The following IKZF1 variants were observed in gnomAD, a reference collection of about 807,000 sequenced individuals.
The protein encoded by IKZF1 is DNA-binding protein Ikaros.
IKZF1 carries 10 observed loss-of-function variants against 51.7 expected under a neutral mutation model. The observed-to-expected ratio is 0.19, with a 90% CI of 0.12 to 0.33. The LOEUF (loss-of-function observed/expected upper bound fraction) is 0.33. IKZF1 is among the 10% of genes least tolerant of loss of function. The pLI, the probability that IKZF1 is intolerant of heterozygous loss-of-function variation, is 1.00. For missense variants in IKZF1, 484 were observed against 707.5 expected (o/e 0.68, Z 3.58); for synonymous variants, 280 against 282.3 (o/e 0.99, Z 0.08).
chr7:50,386,293 C>T (rs567002758), intron 5 of IKZF1, among the ~76,000 whole-genome samples: 2 of 152,264 alleles, frequency 1.3e-5, no homozygotes, highest in African/African-American at 4.8e-5. Flanking sequence ...ACTGCACTGC[C>T]CAATACAGCA....
chr7:50,377,147 A>C, intron 4 of IKZF1: 1 of 214,020 alleles, frequency 4.7e-6, no homozygotes, highest in Non-Finnish European at 9.3e-6. Context: ...ACAAAACAAA[A>C]AATCCTGATA....
intron 5 of IKZF1, among the ~76,000 whole-genome samples, chr7:50,384,854 G>A (rs10230385): frequency 0.69 from 105,659 of 152,160 alleles, 37,462 homozygotes; most frequent in Non-Finnish European, 0.77. Context: ...ACAGACACTC[G>A]TTCTTAGGTT....
intron 2 of IKZF1, among the ~76,000 whole-genome samples, chr7:50,325,426 C>T (rs991594469): frequency 2.0e-5 from 3 of 152,020 alleles, no homozygotes; most frequent in Non-Finnish European, 4.4e-5. Flanking sequence ...AGTTTTTCCC[C>T]ATTTATGAAA....
chr7:50,380,276 A>C (rs73695621), intron 4 of IKZF1, among the ~76,000 whole-genome samples: 5,702 of 152,242 alleles, frequency 0.037, 235 homozygotes, highest in African/African-American at 0.1. Flanking sequence ...TTTCCAGTGA[A>C]ATTTGTTTGC....
chr7:50,360,676 G>C (rs916937350), intron 3 of IKZF1, among the ~76,000 whole-genome samples: 3 of 152,264 alleles, frequency 2.0e-5, no homozygotes, highest in African/African-American at 7.2e-5. Flanking sequence ...ATGCTAAACA[G>C]TTGATCAAAG....
intron 3 of IKZF1, among the ~76,000 whole-genome samples, chr7:50,371,811 G>T (rs1250799600): frequency 6.6e-6 from 1 of 152,200 alleles, no homozygotes; most frequent in Non-Finnish European, 1.5e-5. Flanking sequence ...TTGAAAGGAG[G>T]CGTGCGTACA....
intron 3 of IKZF1, among the ~76,000 whole-genome samples, chr7:50,374,295 G>A (rs565339111): frequency 9.2e-5 from 14 of 152,224 alleles, no homozygotes; most frequent in Non-Finnish European, 1.6e-4. Context: ...CAGATTTTTC[G>A]TATCCATAGG....
intron 3 of IKZF1, among the ~76,000 whole-genome samples, chr7:50,349,475 T>C (rs1338854200): frequency 6.6e-6 from 1 of 151,986 alleles, no homozygotes; most frequent in African/African-American, 2.4e-5. Context: ...TTAGAAGAGA[T>C]GGATGGGGAA....
intron 7 of IKZF1, among the ~76,000 whole-genome samples, 194 bp from the exon 8 acceptor site, chr7:50,399,724 C>G (rs2153517144): frequency 6.6e-6 from 1 of 152,278 alleles, no homozygotes; most frequent in East Asian, 1.9e-4. Flanking sequence ...CTTCCCCCAG[C>G]CCGTCAGTAT....
chr7:50,381,178 T>C (rs1244323094), intron 4 of IKZF1, among the ~76,000 whole-genome samples: 1 of 152,206 alleles, frequency 6.6e-6, no homozygotes, highest in Non-Finnish European at 1.5e-5. Flanking sequence ...AAATCTGGTG[T>C]GGATGTTAAT....
chr7:50,312,529 G>A (rs1584387274), intron 1 of IKZF1, among the ~76,000 whole-genome samples: 2 of 152,256 alleles, frequency 1.3e-5, no homozygotes, highest in African/African-American at 4.8e-5. Context: ...ACAACTTTTT[G>A]AATACAGTAT....
intron 2 of IKZF1, among the ~76,000 whole-genome samples, chr7:50,325,605 C>T (rs1022938960): frequency 6.6e-6 from 1 of 152,076 alleles, no homozygotes; most frequent in African/African-American, 2.4e-5. Flanking sequence ...AACCCTGTCT[C>T]TACTAAAAAA....
At chr7:50,382,505 T>G (rs1487053556) in intron 4 of IKZF1, 35 bp from the exon 5 acceptor site, 4 of 1,594,994 alleles carry the variant, frequency 2.5e-6, no homozygotes, top group Non-Finnish European at 3.4e-6. Flanking sequence ...CCACGCTGAG[T>G]TTAGTTCTCA....
rs750802256 is a variant in IKZF1 at position 50,382,559 on chromosome 7, C to T, written c.441C>T (p.Cys147=). ...TCCCAGGAGAACGGCCCTTCCAGTG[C>T]AATCAGTGCGGGGCCTCATTCACCC... ...RSHTGERPFQ[C]NQCGASFTQK... Residue 147 remains cysteine, a synonymous_variant, in exon 5 of 8, where the codon TGC becomes TGT. Transcript: ENST00000331340. 24 of 1,613,532 alleles carry T rather than the reference C, an allele frequency of 1.5e-5. No individual in the cohort carries two copies. The highest frequency in any genetic ancestry group is 1.9e-5 in the Non-Finnish European group (23 of 1,179,610).
At position 50,350,343 on chromosome 7, in the gene IKZF1, C is replaced by G. The variant is rs1052652294; in HGVS notation, c.160+22586C>G. Among the ~76,000 whole-genome samples, 4 of 152,224 alleles carry G rather than the reference C, an allele frequency of 2.6e-5. 1 individual carries two copies. The highest frequency in any genetic ancestry group is 2.0e-4 in the Admixed American group (3 of 15,288). On this transcript the variant is annotated intron_variant, in intron 3 of 7. Coordinates refer to ENST00000331340, the MANE Select transcript of IKZF1 (RefSeq NM_006060.6). Reference sequence around the variant, plus strand: ...TCTCAAGAAGCCTGTACAGATGTTCCCCTCACCACTGTTTCCAGTCACCTT... The same window carrying G: ...TCTCAAGAAGCCTGTACAGATGTTCGCCTCACCACTGTTTCCAGTCACCTT...
chr7:50,388,077 G>GCACTTGAT (rs541075304), intron 6 of IKZF1, among the ~76,000 whole-genome samples: 21 of 152,258 alleles, frequency 1.4e-4, no homozygotes, highest in Admixed American at 3.9e-4. Flanking sequence ...TAACGAGATA[G>GCACTTGAT]CACTTGATTC....
At chr7:50,355,456 AG>A (rs1803046459) in intron 3 of IKZF1, among the ~76,000 whole-genome samples, 1 of 152,086 alleles carries the variant, frequency 6.6e-6, no homozygotes. Context: ...AGCACAAGAG[AG>A]TCCTGGCTAG....
At chr7:50,356,154 T>A (rs959605117) in intron 3 of IKZF1, among the ~76,000 whole-genome samples, 1 of 152,266 alleles carries the variant, frequency 6.6e-6, no homozygotes, top group African/African-American at 2.4e-5. Flanking sequence ...TCTTTTCCAT[T>A]AGTCCACTTT....
At position 50,404,583 on chromosome 7, in the gene IKZF1, CAT is replaced by C. The variant is rs1818688109; in HGVS notation, c.*3957_*3958del. ...ACAGCTGCAATACCACTTGGGAACA[CAT>C]GTGGTGTCTTGATGTGGCCAGCGCA... On this transcript the variant is annotated 3_prime_UTR_variant, in exon 8 of 8. Coordinates refer to ENST00000331340, the MANE Select transcript of IKZF1 (RefSeq NM_006060.6). 2 of 229,146 alleles carry C rather than the reference CAT, an allele frequency of 8.7e-6. No homozygotes were observed. Among genetic ancestry groups the C allele is most frequent in the Non-Finnish European group, 8.7e-6 (1 of 115,458 alleles). 14.2% of individuals were successfully genotyped at this position (229,146 alleles called of 1,614,324 possible).
Sources: gnomAD v4.1 joint callset for allele counts (sites outside exome capture counted in the v4.1 genomes callset) on GRCh38, gnomAD v4.1.1 for gene constraint, MANE v1.5 for transcripts, NCBI Gene and HGNC (gene_info 2026-07-23, HGNC 2026-07-21) for gene names.